ADAMTSL1: variants seen among roughly 807,000 people sequenced by gnomAD.
ADAMTSL1 encodes ADAMTS-like protein 1.
A neutral mutation model predicts 201.8 loss-of-function variants in ADAMTSL1; 126 were observed. The observed-to-expected ratio is 0.62, with a 90% CI of 0.54 to 0.72. The LOEUF (loss-of-function observed/expected upper bound fraction) is 0.72, where lower values mean the gene tolerates loss of function less well. Ranked by LOEUF, ADAMTSL1 falls within the 30% of genes least tolerant of loss-of-function variation. The probability of loss-of-function intolerance (pLI) is 0.00; values close to 1 mark genes in which losing one functional copy is unlikely to be tolerated. For missense variants in ADAMTSL1, 2,679 were observed against 2,277.8 expected (o/e 1.18, Z -3.59); for synonymous variants, 1,121 against 903.4 (o/e 1.24, Z -4.32).
rs561965794 is a variant in ADAMTSL1, at chr9:17,953,250, G to A, written c.87+46328G>A. On this transcript the variant is annotated intron_variant, in intron 1 of 29. Transcript: ENST00000680146. ...ACAACCCTTAATTAAACAAAAGCAT[G>A]CTTTATGCCTGGTGGATAGGCTATC... 3.3e-5 allele frequency among the ~76,000 whole-genome samples: 5 copies of A among 152,248 alleles called. No individual in the cohort carries two copies. In the South Asian group the frequency reaches 1.0e-3, roughly 32 times the overall value.
In ADAMTSL1 at chr9:18,777,685, C is replaced by T. The variant is rs770862236; in HGVS notation, c.3456C>T (p.Asp1152=). Reference sequence around the variant, plus strand: ...CCCTGCGGACCTCCTCCACCGGGGACGCCGGGGGAGGCTCTCGAAGGCCAC... The same window carrying T: ...CCCTGCGGACCTCCTCCACCGGGGATGCCGGGGGAGGCTCTCGAAGGCCAC... The part of the protein sequence containing the change: ...SSSLRTSSTG[D]AGGGSRRPHR... Residue 1152 remains aspartate, a synonymous_variant, in exon 19 of 29, where the codon GAC becomes GAT. Coordinates refer to ENST00000380548, the MANE Select transcript of ADAMTSL1 (RefSeq NM_001040272.6). 8.1e-6 allele frequency: 13 copies of T among 1,613,242 alleles called. No individual in the cohort carries two copies. The South Asian group carries it at 8.8e-5, about 11-fold the overall frequency.
intron 2 of ADAMTSL1, among the ~76,000 whole-genome samples, chr9:18,190,836 G>T (rs1334303985): frequency 1.3e-5 from 2 of 152,136 alleles, no homozygotes; most frequent in Non-Finnish European, 2.9e-5. Flanking sequence ...GGAAAGACCA[G>T]TTCTGACCAC....
chr9:18,839,023 C>CT (rs35271640), intron 23 of ADAMTSL1, among the ~76,000 whole-genome samples: 125,982 of 144,320 alleles, frequency 0.87, 55,135 homozygotes, highest in African/African-American at 0.94. Context: ...GCACACTCTC[C>CT]TTTTTTTTTT....
intron 2 of ADAMTSL1, among the ~76,000 whole-genome samples, chr9:18,255,188 G>A (rs1057244739): frequency 6.6e-6 from 1 of 152,096 alleles, no homozygotes; most frequent in Non-Finnish European, 1.5e-5. Context: ...GGCTGTCAAG[G>A]GATGAAAGCT....
chr9:18,228,958 G>A (rs893689521), intron 2 of ADAMTSL1, among the ~76,000 whole-genome samples: 35 of 150,134 alleles, frequency 2.3e-4, no homozygotes, highest in East Asian at 1.4e-3. Flanking sequence ...TTCCTCTCTC[G>A]CTGTTTCCTT....
At chr9:18,152,573 C>A (rs150408210) in intron 1 of ADAMTSL1, among the ~76,000 whole-genome samples, 7 of 151,852 alleles carry the variant, frequency 4.6e-5, no homozygotes, top group Non-Finnish European at 7.4e-5. Flanking sequence ...GAGGACCCCC[C>A]AAATGAGAAA....
chr9:18,182,413 G>C (rs1180706718), intron 2 of ADAMTSL1, among the ~76,000 whole-genome samples: 1 of 152,098 alleles, frequency 6.6e-6, no homozygotes, highest in African/African-American at 2.4e-5. Context: ...GAATCCTGTG[G>C]TCTATACAGT....
At chr9:18,441,016 C>T (rs781651282) in intron 2 of ADAMTSL1, among the ~76,000 whole-genome samples, 10 of 152,046 alleles carry the variant, frequency 6.6e-5, no homozygotes, top group Non-Finnish European at 1.3e-4. Context: ...ATTTATGTCA[C>T]AACATAGATG....
chr9:18,424,741 C>A lies in ADAMTSL1; in HGVS notation c.208-80088C>A, dbSNP rs114777983. Among the ~76,000 whole-genome samples, 1,288 of 152,216 alleles carry A rather than the reference C, an allele frequency of 8.5e-3. 19 individuals carry two copies. Among genetic ancestry groups the A allele is most frequent in the African/African-American group, 0.03 (1,228 of 41,534 alleles). On this transcript the variant is annotated intron_variant, in intron 2 of 29. Coordinates refer to the ADAMTSL1 transcript ENST00000680146. ...ACTTTCATGGAGCCATTCAGACCTA[C>A]CCAGCCTCATGTATGATCAGGATGG...
chr9:18,673,185 G>T (rs1185415715), intron 9 of ADAMTSL1, among the ~76,000 whole-genome samples: 2 of 151,812 alleles, frequency 1.3e-5, no homozygotes, highest in Non-Finnish European at 2.9e-5. Flanking sequence ...ACTTCTTAAA[G>T]TCCCGAAATT....
chr9:18,279,969 CT>C (rs1832723185), intron 2 of ADAMTSL1, among the ~76,000 whole-genome samples: 2 of 151,992 alleles, frequency 1.3e-5, no homozygotes, highest in African/African-American at 2.4e-5. Flanking sequence ...GAGCCTATGC[CT>C]TTTGGGGCAA....
intron 13 of ADAMTSL1, among the ~76,000 whole-genome samples, chr9:18,701,916 A>T (rs1006211683): frequency 1.3e-5 from 2 of 152,234 alleles, no homozygotes; most frequent in Non-Finnish European, 2.9e-5. Context: ...CCATTTTCAC[A>T]TTGCTGAAAA....
At chr9:17,962,004 G>C (rs1817776629) in intron 1 of ADAMTSL1, among the ~76,000 whole-genome samples, 1 of 152,152 alleles carries the variant, frequency 6.6e-6, no homozygotes, top group South Asian at 2.1e-4. Context: ...TTGACTTGCA[G>C]CAGGAAGATT....
chr9:18,313,927 A>G (rs1430422354), intron 2 of ADAMTSL1, among the ~76,000 whole-genome samples: 2 of 152,198 alleles, frequency 1.3e-5, no homozygotes, highest in East Asian at 1.9e-4. Flanking sequence ...TGCAAACCAT[A>G]TATCTGATAA....
At chr9:18,897,359 A>G (rs1258791361) in intron 26 of ADAMTSL1, among the ~76,000 whole-genome samples, 1 of 152,150 alleles carries the variant, frequency 6.6e-6, no homozygotes, top group Non-Finnish European at 1.5e-5. Flanking sequence ...TGTTCTACCA[A>G]AAAAACAGCC....
intron 15 of ADAMTSL1, among the ~76,000 whole-genome samples, chr9:18,747,705 C>A (rs759137314): frequency 6.6e-6 from 1 of 152,106 alleles, no homozygotes; most frequent in Non-Finnish European, 1.5e-5. Context: ...TTATTGGTGA[C>A]CATGTGTGAT....
intron 1 of ADAMTSL1, among the ~76,000 whole-genome samples, chr9:18,077,909 G>A (rs1290827766): frequency 6.6e-6 from 1 of 152,158 alleles, no homozygotes; most frequent in Non-Finnish European, 1.5e-5. Context: ...GCCCATTTAG[G>A]AAGTTTCATG....
chr9:18,812,868 GTT>G (rs1389361019), intron 20 of ADAMTSL1, among the ~76,000 whole-genome samples: 1 of 151,642 alleles, frequency 6.6e-6, no homozygotes, highest in Non-Finnish European at 1.5e-5. Context: ...TGTTCCATGG[GTT>G]TATGTGTCTA....
At chr9:18,360,245 A>G (rs570278302) in intron 2 of ADAMTSL1, among the ~76,000 whole-genome samples, 1 of 152,260 alleles carries the variant, frequency 6.6e-6, no homozygotes, top group South Asian at 2.1e-4. Context: ...GTTGAATTGA[A>G]TTGAAAGCAA....
Sources: allele counts gnomAD v4.1 joint callset (sites outside exome capture counted in the v4.1 genomes callset), GRCh38; gene constraint gnomAD v4.1.1; transcripts MANE v1.5; gene names NCBI Gene and HGNC (gene_info 2026-07-23, HGNC 2026-07-21).